The following AEBP2 variants were observed in gnomAD, a reference collection of about 807,000 sequenced individuals.
AEBP2 encodes the protein zinc finger protein AEBP2.
In AEBP2, 10 loss-of-function variants were observed where a neutral mutation model predicts 50.8. The observed-to-expected ratio is 0.20, with a 90% confidence interval of 0.12 to 0.33. The LOEUF (loss-of-function observed/expected upper bound fraction) is 0.33. Among genes scored for constraint, AEBP2 ranks in the 10% least tolerant of loss-of-function variants. The probability of loss-of-function intolerance (pLI) is 1.00; values close to 1 mark genes in which losing one functional copy is unlikely to be tolerated. For missense variants in AEBP2, 570 were observed against 688.0 expected, an observed-to-expected ratio of 0.83 and a Z score of 1.92; for synonymous variants, 296 against 261.3, an observed-to-expected ratio of 1.13 and a Z score of -1.28.
intron 5 of AEBP2, among the ~76,000 whole-genome samples, chr12:19,510,187 A>G (rs1360202000): frequency 1.3e-5 from 2 of 152,200 alleles, no homozygotes; most frequent in African/African-American, 4.8e-5. Flanking sequence ...TGTTTGGGTT[A>G]GTACCTAAGG....
At chr12:19,462,267 C>G (rs1041001670) in intron 1 of AEBP2, among the ~76,000 whole-genome samples, 4 of 152,014 alleles carry the variant, frequency 2.6e-5, no homozygotes, top group African/African-American at 9.7e-5. Context: ...TCATGCCTGC[C>G]AAAAGTTGCT....
At chr12:19,440,563 C>G (rs1273559982) in intron 1 of AEBP2, 193 bp downstream of exon 1, 1 of 1,409,082 alleles carries the variant, frequency 7.1e-7, no homozygotes, top group Non-Finnish European at 9.3e-7. Flanking sequence ...GCTTCCAACT[C>G]TCAAACCGTT....
At chr12:19,492,512 T>C (rs1948909064) in intron 3 of AEBP2, among the ~76,000 whole-genome samples, 1 of 152,074 alleles carries the variant, frequency 6.6e-6, no homozygotes, top group Non-Finnish European at 1.5e-5. Flanking sequence ...GAGCATGTCT[T>C]TTCTAAGAGA....
In AEBP2 at chr12:19,404,102, A is replaced by G. The variant is rs537600407; in HGVS notation, c.-131A>G. ...TCCCGCTCGACCCTCGGTTCTGGAC[A>G]ACGGAGATCGTCCCCAGTCAAGGTG... On this transcript the variant is annotated 5_prime_UTR_variant, in exon 1 of 4. Transcript: ENST00000538425. 2.6e-5 allele frequency: 4 copies of G among 152,344 alleles called. No homozygotes were observed. The East Asian group carries it at 7.7e-4, about 29-fold the overall frequency. The allele number at this position is 152,344 out of a possible 1,614,324, so 9.4% of individuals were successfully genotyped here. A position where few individuals can be genotyped will look rare whatever the true frequency, so the allele number is the denominator to read the frequency against.
chr12:19,479,717 G>GTTTCTTTTTTTTTTTTTTTTTT (rs1948698002), intron 3 of AEBP2, among the ~76,000 whole-genome samples: 1 of 22,314 alleles, frequency 4.5e-5, no homozygotes, highest in Non-Finnish European at 9.0e-5. Flanking sequence ...CTCTTTGTGG[G>GTTTCTTTTTTTTTTTTTTTTTT]TTTTTTTTTT....
chr12:19,452,744 T>G (rs1948185346), intron 1 of AEBP2, among the ~76,000 whole-genome samples: 2 of 152,152 alleles, frequency 1.3e-5, no homozygotes. Context: ...TGCAATGTTT[T>G]GAATTTTACC....
In AEBP2 at chr12:19,452,667, T is replaced by C. The variant is rs567316488; in HGVS notation, c.672-9843T>C. 1.4e-4 allele frequency among the ~76,000 whole-genome samples: 21 copies of C among 152,314 alleles called. No homozygotes were observed. In the South Asian group the frequency reaches 2.9e-3, roughly 21 times the overall value. Reference sequence around the variant, plus strand: ...GGTAACTCAAGTAAAGAATTTTTACTCTTAGAGTTGTGCATTAGGTGTACA... The same window carrying C: ...GGTAACTCAAGTAAAGAATTTTTACCCTTAGAGTTGTGCATTAGGTGTACA... On this transcript the variant is annotated intron_variant, in intron 1 of 7. Transcript: ENST00000266508.
intron 1 of AEBP2, among the ~76,000 whole-genome samples, chr12:19,410,487 G>A (rs569128723): frequency 4.6e-5 from 7 of 152,058 alleles, no homozygotes; most frequent in Middle Eastern, 3.2e-3. Flanking sequence ...CCTGCATTGC[G>A]TCTGGCCCTT....
intron 1 of AEBP2, among the ~76,000 whole-genome samples, chr12:19,458,918 GTC>G: frequency 6.6e-6 from 1 of 152,180 alleles, no homozygotes; most frequent in Non-Finnish European, 1.5e-5. Context: ...GACTAGCTAT[GTC>G]TCTGTCTCCC....
chr12:19,477,637 C>G (rs185424858), intron 3 of AEBP2, among the ~76,000 whole-genome samples: 3 of 152,172 alleles, frequency 2.0e-5, no homozygotes, highest in African/African-American at 7.2e-5. Flanking sequence ...ATGAAACCCA[C>G]TTGATCATGG....
At chr12:19,427,329 G>A (rs567385780) in intron 1 of AEBP2, among the ~76,000 whole-genome samples, 5 of 145,888 alleles carry the variant, frequency 3.4e-5, no homozygotes, top group African/African-American at 1.3e-4. Flanking sequence ...GCAGTGAGCC[G>A]AGAATGTGCC....
At chr12:19,492,280 T>G (rs1158418997) in intron 3 of AEBP2, among the ~76,000 whole-genome samples, 1 of 152,138 alleles carries the variant, frequency 6.6e-6, no homozygotes, top group African/African-American at 2.4e-5. Flanking sequence ...ACCTGCAAAT[T>G]TTTTTCCCCC....
At position 19,521,652 on chromosome 12, in the gene AEBP2, T is replaced by C. The variant is rs1289238070; in HGVS notation, c.*3535T>C. The C allele has an allele frequency of 2.6e-5, 4 of 152,202 alleles. No individual in the cohort carries two copies. The highest frequency in any genetic ancestry group is 5.9e-5 in the Non-Finnish European group (4 of 68,020). 9.4% of individuals were successfully genotyped at this position (152,202 alleles called of 1,614,324 possible). A position where few individuals can be genotyped will look rare whatever the true frequency, so the allele number is the denominator to read the frequency against. On this transcript the variant is annotated 3_prime_UTR_variant, in exon 8 of 8. Transcript: ENST00000266508. ...TCTCTCAATATTTTAAGATTTGTTT[T>C]ACTAATTGAAAACAGTATGTCAGTA...
chr12:19,512,255 T>G, intron 5 of AEBP2, 143 bp from the exon 6 acceptor site: 1 of 500,172 alleles, frequency 2.0e-6, no homozygotes, highest in African/African-American at 2.0e-5. Context: ...CTCCTGACCT[T>G]ATGATCCACC....
upstream of AEBP2, among the ~76,000 whole-genome samples, chr12:19,437,815 A>G (rs75501163): frequency 0.012 from 1,825 of 152,328 alleles, 30 homozygotes; most frequent in African/African-American, 0.042. Flanking sequence ...CTTAGAGGCA[A>G]CATTTTATAT....
intron 1 of AEBP2, among the ~76,000 whole-genome samples, chr12:19,446,488 T>C: frequency 6.6e-6 from 1 of 152,000 alleles, no homozygotes; most frequent in Non-Finnish European, 1.5e-5. Flanking sequence ...CCAGCACTTT[T>C]GGAGGCTGAA....
chr12:19,462,309 G>C (rs1250348730), intron 1 of AEBP2, among the ~76,000 whole-genome samples: 1 of 152,136 alleles, frequency 6.6e-6, no homozygotes, highest in Non-Finnish European at 1.5e-5. Flanking sequence ...TTGAGGTACT[G>C]TCGTGTTTCT....
Position 19,439,660 on chromosome 12 carries a change from G to A in AEBP2, c.-40G>A, listed in dbSNP as rs1253286250. On this transcript the variant is annotated 5_prime_UTR_variant, in exon 1 of 8. Coordinates refer to ENST00000266508, the MANE Select transcript of AEBP2 (RefSeq NM_153207.5). ...GAGAGAGAGTCGAGAGAGGGAGGCGGCGGTGGGGAGGAGGAGGAGGAGGAG... is the reference window on the plus strand; with the variant it reads ...GAGAGAGAGTCGAGAGAGGGAGGCGACGGTGGGGAGGAGGAGGAGGAGGAG... 7 of 1,465,644 alleles carry A rather than the reference G, an allele frequency of 4.8e-6. No individual in the cohort carries two copies. In the Admixed American group the frequency reaches 1.3e-4, roughly 28 times the overall value. 90.8% of individuals were successfully genotyped at this position (1,465,644 alleles called of 1,614,324 possible).
chr12:19,463,308 A>G (rs562732286), intron 2 of AEBP2, among the ~76,000 whole-genome samples: 7 of 152,360 alleles, frequency 4.6e-5, no homozygotes, highest in African/African-American at 1.7e-4. Flanking sequence ...TAGGTACTGA[A>G]TAAAGAGCTA....
Sources: gnomAD v4.1 joint callset for allele counts (sites outside exome capture counted in the v4.1 genomes callset) on GRCh38, gnomAD v4.1.1 for gene constraint, MANE v1.5 for transcripts, NCBI Gene and HGNC (gene_info 2026-07-23, HGNC 2026-07-21) for gene names.